The following CSMD1 variants were observed in gnomAD, a reference collection of about 807,000 sequenced individuals.
CSMD1 encodes CUB and sushi domain-containing protein 1.
Under a neutral mutation model 417.5 loss-of-function variants are expected in CSMD1, and 213 were observed. The observed-to-expected ratio is 0.51, with a 90% CI of 0.46 to 0.57. The LOEUF (loss-of-function observed/expected upper bound fraction) is 0.57. CSMD1 is among the 20% of genes least tolerant of loss of function. The pLI, the probability that CSMD1 is intolerant of heterozygous loss-of-function variation, is 0.00. For missense variants in CSMD1, 6,923 were observed against 4,529.7 expected (o/e 1.53, Z -15.17); for synonymous variants, 2,862 against 1,736.8 (o/e 1.65, Z -16.11).
At chr8:3,711,046 C>G (rs564101397) in intron 6 of CSMD1, among the ~76,000 whole-genome samples, 1 of 152,272 alleles carries the variant, frequency 6.6e-6, no homozygotes, top group African/African-American at 2.4e-5. Flanking sequence ...TATGTCTAAA[C>G]TGCCAAGTCT....
intron 6 of CSMD1, among the ~76,000 whole-genome samples, chr8:3,751,583 G>A (rs1797345930): frequency 6.6e-6 from 1 of 150,528 alleles, no homozygotes; most frequent in African/African-American, 2.4e-5. Context: ...CTATAATGTA[G>A]TTGTATTGTT....
chr8:4,535,559 G>T (rs75582878), intron 2 of CSMD1, among the ~76,000 whole-genome samples: 1 of 151,950 alleles, frequency 6.6e-6, no homozygotes, highest in Non-Finnish European at 1.5e-5. Flanking sequence ...AGCTCTCCAA[G>T]TTACTCGTAG....
At chr8:4,378,405 A>T (rs1305963823) in intron 3 of CSMD1, among the ~76,000 whole-genome samples, 1 of 152,228 alleles carries the variant, frequency 6.6e-6, no homozygotes, top group African/African-American at 2.4e-5. Flanking sequence ...AGTTGGCTTA[A>T]AACAGAAGAG....
intron 3 of CSMD1, among the ~76,000 whole-genome samples, chr8:4,080,343 G>T (rs11781691): frequency 0.1 from 15,121 of 150,688 alleles, 1,014 homozygotes; most frequent in African/African-American, 0.19. Context: ...CTTCACAAGT[G>T]AAAGGTGAAG....
At chr8:4,520,852 C>A (rs553969811) in intron 2 of CSMD1, among the ~76,000 whole-genome samples, 47 of 152,192 alleles carry the variant, frequency 3.1e-4, no homozygotes, top group Non-Finnish European at 4.0e-4. Flanking sequence ...TCTAAGACTT[C>A]TTTTAATAGA....
chr8:3,543,439 T>C (rs1228992574), intron 10 of CSMD1, among the ~76,000 whole-genome samples: 2 of 151,952 alleles, frequency 1.3e-5, no homozygotes, highest in African/African-American at 4.8e-5. Flanking sequence ...AGGGCAGAAA[T>C]GAGTTAGGAG....
intron 3 of CSMD1, among the ~76,000 whole-genome samples, chr8:4,147,171 C>G (rs986170888): frequency 1.3e-5 from 2 of 152,042 alleles, no homozygotes; most frequent in Non-Finnish European, 1.5e-5. Context: ...TCCCCCCCTG[C>G]CCCCACCACC....
intron 5 of CSMD1, among the ~76,000 whole-genome samples, chr8:3,834,387 T>C (rs911641337): frequency 1.3e-5 from 2 of 152,008 alleles, no homozygotes; most frequent in Admixed American, 6.6e-5. Flanking sequence ...AATCAACCAA[T>C]TGTGCCTGCA....
intron 3 of CSMD1, among the ~76,000 whole-genome samples, chr8:4,205,880 T>A (rs138873155): frequency 2.0e-5 from 3 of 152,170 alleles, no homozygotes; most frequent in Non-Finnish European, 4.4e-5. Context: ...AACTTCCTAT[T>A]ATGCACTGTG....
chr8:4,534,973 G>C (rs1034691619), intron 2 of CSMD1, among the ~76,000 whole-genome samples: 6 of 152,118 alleles, frequency 3.9e-5, no homozygotes, highest in African/African-American at 1.4e-4. Context: ...ATGTTAGCCA[G>C]GATGGTCTCG....
intron 2 of CSMD1, among the ~76,000 whole-genome samples, chr8:4,452,123 C>A (rs999908387): frequency 2.0e-5 from 3 of 152,134 alleles, no homozygotes; most frequent in African/African-American, 7.2e-5. Flanking sequence ...TTCCAGAGGT[C>A]TGTACAAACA....
At chr8:4,959,127 T>C (rs1809310388) in intron 1 of CSMD1, among the ~76,000 whole-genome samples, 1 of 152,188 alleles carries the variant, frequency 6.6e-6, no homozygotes, top group Non-Finnish European at 1.5e-5. Flanking sequence ...TTTTTAAAGG[T>C]TATATGAGAA....
At chr8:4,506,658 T>G (rs978142037) in intron 2 of CSMD1, among the ~76,000 whole-genome samples, 3 of 152,108 alleles carry the variant, frequency 2.0e-5, no homozygotes, top group African/African-American at 7.2e-5. Context: ...ACCCTATAAT[T>G]TCAGTGTGTT....
chr8:3,607,003 C>A (rs1801650821), intron 8 of CSMD1, among the ~76,000 whole-genome samples: 1 of 152,164 alleles, frequency 6.6e-6, no homozygotes, highest in Admixed American at 6.5e-5. Context: ...AGCCGCCGTG[C>A]CTGGCCTACC....
intron 1 of CSMD1, among the ~76,000 whole-genome samples, chr8:4,896,757 G>A (rs1029365231): frequency 2.0e-5 from 3 of 152,056 alleles, no homozygotes; most frequent in Non-Finnish European, 4.4e-5. Context: ...CAAGATTGAA[G>A]GAATAAGGGA....
Position 3,406,018 on chromosome 8 carries a change from G to A in CSMD1, c.2266+9C>T, listed in dbSNP as rs1365287858. 3 of 1,612,464 alleles carry A rather than the reference G, an allele frequency of 1.9e-6. No homozygotes were observed. Among genetic ancestry groups the A allele is most frequent in the Non-Finnish European group, 2.5e-6 (3 of 1,179,010 alleles). ...AAAGGAGAAGAGCGGGGGGTGGCAGGGACTGCACCTTCACAGCGGGGCACG... is the reference window on the plus strand; with the variant it reads ...AAAGGAGAAGAGCGGGGGGTGGCAGAGACTGCACCTTCACAGCGGGGCACG... On this transcript the variant is annotated intron_variant, in intron 15 of 69. Coordinates refer to ENST00000635120, the MANE Select transcript of CSMD1 (RefSeq NM_033225.6).
At chr8:4,161,663 G>C (rs773968238) in intron 3 of CSMD1, among the ~76,000 whole-genome samples, 2 of 152,110 alleles carry the variant, frequency 1.3e-5, no homozygotes, top group South Asian at 2.1e-4. Context: ...GTCAACAACA[G>C]CCATAAAAAT....
chr8:3,455,264 C>G (rs1384415288), intron 12 of CSMD1, among the ~76,000 whole-genome samples: 4 of 152,120 alleles, frequency 2.6e-5, no homozygotes, highest in Non-Finnish European at 5.9e-5. Context: ...CAAACTTCCT[C>G]CTTTAGCTCG....
At chr8:4,695,190 T>C (rs957927387) in intron 1 of CSMD1, among the ~76,000 whole-genome samples, 8 of 152,148 alleles carry the variant, frequency 5.3e-5, no homozygotes, top group African/African-American at 1.9e-4. Context: ...CTCGAAGTTA[T>C]TTTTGTCATT....
Sources: gnomAD v4.1 joint callset for allele counts (sites outside exome capture counted in the v4.1 genomes callset) on GRCh38, gnomAD v4.1.1 for gene constraint, MANE v1.5 for transcripts, NCBI Gene and HGNC (gene_info 2026-07-23, HGNC 2026-07-21) for gene names.